KNDC1: variants seen among roughly 807,000 people sequenced by gnomAD.
The protein encoded by KNDC1 is kinase non-catalytic C-lobe domain-containing protein 1.
Under a neutral mutation model 172.8 loss-of-function variants are expected in KNDC1, and 106 were observed. The ratio of observed to expected loss-of-function variants is 0.61; its 90% CI spans 0.52 to 0.72. The LOEUF (loss-of-function observed/expected upper bound fraction) is 0.72. Among genes scored for constraint, KNDC1 ranks in the 30% least tolerant of loss-of-function variants. The pLI is 0.00. For synonymous variants in KNDC1, 1,083 were observed against 1,062.2 expected, an observed-to-expected ratio of 1.02 and a Z score of -0.38; for missense variants, 2,325 against 2,394.5, an observed-to-expected ratio of 0.97 and a Z score of 0.61.
chr10:133,169,485 G>A (rs1853300156), intron 3 of KNDC1, among the ~76,000 whole-genome samples: 1 of 152,234 alleles, frequency 6.6e-6, no homozygotes, highest in African/African-American at 2.4e-5. Flanking sequence ...AGAGTTTTGG[G>A]ATGGCTTCCC....
At chr10:133,172,119 G>T (rs1393969925) in intron 3 of KNDC1, among the ~76,000 whole-genome samples, 1 of 152,208 alleles carries the variant, frequency 6.6e-6, no homozygotes, top group Non-Finnish European at 1.5e-5. Context: ...GAACAGCAAT[G>T]AGTCTTGGAA....
Position 133,211,626 on chromosome 10 carries a change from C to T in KNDC1, c.4057-53C>T, listed in dbSNP as rs551409845. ...CCGGGGCTCCCACAGTGGGAGGTGC[C>T]GCCCTCCTCCAGAAGGTGGCAGTGA... is the stretch of plus-strand genomic sequence containing the variant. On this transcript the variant is annotated intron_variant, in intron 22 of 29. Coordinates refer to ENST00000304613, the MANE Select transcript of KNDC1 (RefSeq NM_152643.8). 1.2e-3 allele frequency: 1,918 copies of T among 1,596,190 alleles called. 6 individuals carry two copies. Among genetic ancestry groups the T allele is most frequent in the Middle Eastern group, 4.2e-3 (25 of 5,960 alleles).
intron 2 of KNDC1, 22 bp downstream of exon 2, chr10:133,167,601 C>A: frequency 6.5e-7 from 1 of 1,530,294 alleles, no homozygotes; most frequent in Admixed American, 2.0e-5. Context: ...GTGGCGGTGG[C>A]GGCGGCGGCG....
chr10:133,195,791 G>T lies in KNDC1; in HGVS notation c.1704G>T (p.Pro568=). ...LLLDMARRSA[P]ERPSAAEAIK... ...TGGACATGGCCAGGCGCAGTGCCCC[G>T]GAGCGGCCGTCCGCGGCTGAGGCCA... The change falls in exon 10 of 30, where the codon CCG becomes CCT. Residue 568 remains proline, a synonymous_variant. Transcript: ENST00000304613. 1 of 1,589,668 alleles carries T rather than the reference G, an allele frequency of 6.3e-7. No homozygotes were observed. Among genetic ancestry groups the T allele is most frequent in the Non-Finnish European group, 8.6e-7 (1 of 1,168,770 alleles).
chr10:133,201,436 A>G, intron 16 of KNDC1, 65 bp from the exon 17 acceptor site: 4 of 1,509,770 alleles, frequency 2.6e-6, no homozygotes, highest in Non-Finnish European at 3.6e-6. Context: ...CCTCCCATTA[A>G]CAGCCTGCCC....
intron 1 of KNDC1, chr10:133,164,222 C>T (rs1282099545): frequency 1.3e-5 from 2 of 152,442 alleles, no homozygotes; most frequent in East Asian, 3.9e-4. Context: ...TCAGACCTAC[C>T]CCATGGCTCA....
intron 20 of KNDC1, 64 bp downstream of exon 20, chr10:133,207,415 G>A (rs1211957174): frequency 4.1e-6 from 6 of 1,455,294 alleles, no homozygotes; most frequent in Admixed American, 3.5e-5. Context: ...GAAGAGGGGG[G>A]GAACGTGCCC....
chr10:133,177,549 C>T (rs1853577789), intron 3 of KNDC1, among the ~76,000 whole-genome samples: 1 of 150,954 alleles, frequency 6.6e-6, no homozygotes, highest in Non-Finnish European at 1.5e-5. Context: ...GTGTCATGAG[C>T]ACGTGTGTTG....
At chr10:133,214,186 C>T (rs775501702) in intron 26 of KNDC1, 64 bp downstream of exon 26, 139 of 1,572,852 alleles carry the variant, frequency 8.8e-5, no homozygotes, top group Middle Eastern at 8.0e-4. Context: ...GGGGTGGCAG[C>T]GCCTCCTATA....
chr10:133,195,692 G>A lies in KNDC1; in HGVS notation c.1605G>A (p.Leu535=). 1 of 1,612,442 alleles carries A rather than the reference G, an allele frequency of 6.2e-7. No homozygotes were observed. The highest frequency in any genetic ancestry group is 8.5e-7 in the Non-Finnish European group (1 of 1,179,614). The part of the protein sequence containing the change: ...KASVYCVAAV[L]WTAAKFSVPR... The stretch of plus-strand genomic sequence containing the variant: ...CTGTGTACTGTGTGGCCGCCGTTCT[G>A]TGGACCGCAGCCAAGTTCAGCGTCC... Residue 535 remains leucine, a synonymous_variant, in exon 10 of 30, where the codon CTG becomes CTA. Transcript: ENST00000304613.
Position 133,186,204 on chromosome 10 carries a change from G to A in KNDC1, c.856G>A (p.Glu286Lys), listed in dbSNP as rs200382676. 2.0e-3 allele frequency: 3,213 copies of A among 1,572,904 alleles called. 31 individuals are homozygous for A. Among genetic ancestry groups the A allele is most frequent in the Non-Finnish European group, 2.0e-3 (2,322 of 1,159,666 alleles). Reference protein sequence around the residue: ...EGLAGLVLDAERTLGELDRDA... With the variant: ...EGLAGLVLDAKRTLGELDRDA... ...GCTGGCCGGCCTCGTCCTGGATGCC[G>A]AGCGCACCCTCGGGGAGCTGGACAG... The change falls in exon 6 of 30, where the codon GAG becomes AAG. Residue 286 changes from glutamate to lysine, a missense_variant. By Grantham distance (56) the Glu-to-Lys change is moderately conservative. Coordinates refer to ENST00000304613, the MANE Select transcript of KNDC1 (RefSeq NM_152643.8).
At chr10:133,184,077 C>G in intron 5 of KNDC1, 88 bp downstream of exon 5, 1 of 697,332 alleles carries the variant, frequency 1.4e-6, no homozygotes, top group Non-Finnish European at 2.4e-6. Context: ...CAAACACACC[C>G]ATGCACACAC....
chr10:133,188,466 C>T (rs1168360823), intron 6 of KNDC1, 73 bp from the exon 7 acceptor site: 18 of 979,032 alleles, frequency 1.8e-5, no homozygotes, highest in Middle Eastern at 6.2e-4. Context: ...GCCTGTCCCC[C>T]GGACATGCCT....
In KNDC1 at chr10:133,189,788, C is replaced by A. The variant is rs1433278958; in HGVS notation, c.1550C>A (p.Ala517Glu). 1 of 1,613,962 alleles carries A rather than the reference C, an allele frequency of 6.2e-7. No individual in the cohort carries two copies. Among genetic ancestry groups the A allele is most frequent in the Non-Finnish European group, 8.5e-7 (1 of 1,179,976 alleles). ...YDSFFLAPEL[A>E]EERLVTEKAS... ...TCGTTCTTTCTGGCTCCCGAGCTGG[C>A]AGAGGAGAGGCTGGTAACTGAAAAG... The change falls in exon 9 of 30, where the codon GCA becomes GAA. Residue 517 changes from alanine to glutamate, a missense_variant. Ala to Glu is a moderately radical substitution (Grantham distance 107). Transcript: ENST00000304613.
chr10:133,171,555 A>C (rs1853377569), intron 3 of KNDC1, among the ~76,000 whole-genome samples: 1 of 151,994 alleles, frequency 6.6e-6, no homozygotes, highest in Non-Finnish European at 1.5e-5. Flanking sequence ...TAAAGGCATG[A>C]GCCACTGGCC....
chr10:133,189,752 G>A lies in KNDC1; in HGVS notation c.1514G>A (p.Gly505Asp), dbSNP rs547025443. 5 of 1,614,070 alleles carry A rather than the reference G, an allele frequency of 3.1e-6. No individual in the cohort carries two copies. Among genetic ancestry groups the A allele is most frequent in the Admixed American group, 1.7e-5 (1 of 60,022 alleles). The change falls in exon 9 of 30, where the codon GGT becomes GAT. Residue 505 changes from glycine to aspartate, a missense_variant and splice_region_variant. Transcript: ENST00000304613. ...AVLFQPPPANGSYDSFFLAPE... is the reference protein window; with the variant it reads ...AVLFQPPPANDSYDSFFLAPE... ...AAGCTCAGTCGGGTTTCTCTCTTAG[G>A]TTCCTATGACTCGTTCTTTCTGGCT...
Position 133,200,357 on chromosome 10 carries a change from C to G in KNDC1, c.2904-18C>G. On this transcript the variant is annotated intron_variant, in intron 15 of 29. Coordinates refer to ENST00000304613, the MANE Select transcript of KNDC1 (RefSeq NM_152643.8). ...CCAGTGGGCGGAGGTGGGGACTGAC[C>G]TGCATTCTCGTCGTCAGCACGGCCG... 6.4e-7 allele frequency: 1 copy of G among 1,569,072 alleles called. No homozygotes were observed. The highest frequency in any genetic ancestry group is 8.6e-7 in the Non-Finnish European group (1 of 1,158,198).
At position 133,207,278 on chromosome 10, in the gene KNDC1, C is replaced by T; in HGVS notation, c.3721C>T (p.Pro1241Ser). 2.5e-6 allele frequency: 4 copies of T among 1,613,042 alleles called. No homozygotes were observed. The highest frequency in any genetic ancestry group is 3.4e-6 in the Non-Finnish European group (4 of 1,179,986). Residue 1241 changes from proline (P) to serine (S), a missense_variant, in exon 20 of 30, where the codon CCG becomes TCG. Coordinates refer to ENST00000304613, the MANE Select transcript of KNDC1 (RefSeq NM_152643.8). ...CATCTTCTACAACGTCAACAAGCAC[C>T]CGGGCGGCCGGCAGAAGGCCCGCAT... is the stretch of plus-strand genomic sequence containing the variant. Reference protein sequence around the residue: ...SLIFYNVNKHPGGRQKARILQ... With the variant: ...SLIFYNVNKHSGGRQKARILQ...
chr10:133,223,986 T>G (rs1431753015), intron 29 of KNDC1, among the ~76,000 whole-genome samples: 1 of 147,528 alleles, frequency 6.8e-6, no homozygotes, highest in Admixed American at 6.7e-5. Context: ...GGCGTGTGTG[T>G]GTGTGTGTGA....
Sources: gnomAD v4.1 joint callset for allele counts (sites outside exome capture counted in the v4.1 genomes callset) on GRCh38, gnomAD v4.1.1 for gene constraint, MANE v1.5 for transcripts, NCBI Gene and HGNC (gene_info 2026-07-23, HGNC 2026-07-21) for gene names.